The following C1GALT1 variants were observed in gnomAD, a reference collection of about 807,000 sequenced individuals.
C1GALT1 encodes glycoprotein-N-acetylgalactosamine 3-beta-galactosyltransferase 1.
Under a neutral mutation model 31.0 loss-of-function variants are expected in C1GALT1, and 11 were observed. The observed-to-expected ratio is 0.36, with a 90% confidence interval of 0.22 to 0.59. C1GALT1 has a LOEUF of 0.59. Ranked by LOEUF, C1GALT1 falls within the 20% of genes least tolerant of loss-of-function variation. The pLI, the probability that C1GALT1 is intolerant of heterozygous loss-of-function variation, is 0.79. For synonymous variants in C1GALT1, 175 were observed against 143.6 expected, an observed-to-expected ratio of 1.22 and a Z score of -1.56; for missense variants, 424 against 425.2, an observed-to-expected ratio of 1.00 and a Z score of 0.03.
upstream of C1GALT1, among the ~76,000 whole-genome samples, chr7:7,182,049 C>T (rs1780603876): frequency 6.6e-6 from 1 of 152,178 alleles, no homozygotes; most frequent in South Asian, 2.1e-4. Context: ...GTTCTCAGCT[C>T]TTCCTGGTTC....
At chr7:7,158,442 C>G (rs12536325) in intron 2 of C1GALT1, among the ~76,000 whole-genome samples, 101,188 of 151,956 alleles carry the variant, frequency 0.67, 34,698 homozygotes, top group East Asian at 0.93. Flanking sequence ...TTCACTAGCA[C>G]GTGGCCCGAG....
At chr7:7,223,007 C>T in intron 1 of C1GALT1, among the ~76,000 whole-genome samples, 1 of 152,096 alleles carries the variant, frequency 6.6e-6, no homozygotes, top group East Asian at 1.9e-4. Context: ...ATACTTCTTA[C>T]AAGCACATTC....
intron 1 of C1GALT1, among the ~76,000 whole-genome samples, chr7:7,230,442 A>G (rs1230494573): frequency 1.3e-5 from 2 of 151,980 alleles, no homozygotes; most frequent in Admixed American, 6.5e-5. Flanking sequence ...AATCTATTTA[A>G]TATGTGTCTC....
chr7:7,242,253 G>A (rs1212355640), intron 3 of C1GALT1, among the ~76,000 whole-genome samples: 1 of 145,042 alleles, frequency 6.9e-6, no homozygotes, highest in Non-Finnish European at 1.5e-5. Context: ...GCTACTATAT[G>A]GCTTACATAT....
At position 7,246,094 on chromosome 7, in the gene C1GALT1, T is replaced by G. The variant is rs750593557; in HGVS notation, c.*2367T>G. On this transcript the variant is annotated 3_prime_UTR_variant, in exon 4 of 4. Coordinates refer to ENST00000436587, the MANE Select transcript of C1GALT1 (RefSeq NM_020156.5). ...TTGACCAGATACTGAAGGAAATAAG[T>G]AATAGCTAGTATTTATCCAATGCCA... 1 of 152,228 alleles carries G rather than the reference T, an allele frequency of 6.6e-6. No individual in the cohort carries two copies. Among genetic ancestry groups the G allele is most frequent in the Non-Finnish European group, 1.5e-5 (1 of 68,036 alleles). The allele number at this position is 152,228 out of a possible 1,614,324, so 9.4% of individuals were successfully genotyped here. A position where few individuals can be genotyped will look rare whatever the true frequency, so the allele number is the denominator to read the frequency against.
rs544576014 is a variant in C1GALT1 at position 7,213,554 on chromosome 7, A to G, written c.-17-20749A>G. 5.3e-5 allele frequency among the ~76,000 whole-genome samples: 8 copies of G among 152,328 alleles called. No individual in the cohort carries two copies. The South Asian group carries it at 1.7e-3, about 32-fold the overall frequency. On this transcript the variant is annotated intron_variant, in intron 1 of 3. Transcript: ENST00000436587. The stretch of plus-strand genomic sequence containing the variant: ...CAGGGGCCCTCTGAGCCATCCAGAA[A>G]GCCAGGCATCAGGAAGGACAATTTC...
rs1044409327 is a variant in C1GALT1 at position 7,193,822 on chromosome 7, T to G, written c.-18+11002T>G. Among the ~76,000 whole-genome samples the G allele has an allele frequency of 8.5e-5, 13 of 152,218 alleles. No individual in the cohort carries two copies. In the East Asian group the frequency reaches 2.3e-3, roughly 27 times the overall value. ...CCCATCCATGAGCATGGAATGTGTTTCCATTTGTTTGTGTCATTTTCAATT... is the reference window on the plus strand; with the variant it reads ...CCCATCCATGAGCATGGAATGTGTTGCCATTTGTTTGTGTCATTTTCAATT... On this transcript the variant is annotated intron_variant, in intron 1 of 3. Transcript: ENST00000436587.
chr7:7,246,330 A>T lies in C1GALT1; in HGVS notation c.*2603A>T, dbSNP rs1288739512. The stretch of plus-strand genomic sequence containing the variant: ...AACCGTATCAGGCTTGGGGCTATTC[A>T]TGTAGCATTATTTCCATTTTTATGT... On this transcript the variant is annotated 3_prime_UTR_variant, in exon 4 of 4. Transcript: ENST00000436587. 6.6e-6 allele frequency: 1 copy of T among 152,148 alleles called. No individual in the cohort carries two copies. Among genetic ancestry groups the T allele is most frequent in the Non-Finnish European group, 1.5e-5 (1 of 68,030 alleles). 9.4% of individuals were successfully genotyped at this position (152,148 alleles called of 1,614,324 possible).
intron 1 of C1GALT1, chr7:7,183,543 T>C (rs908293078): frequency 6.1e-6 from 6 of 984,048 alleles, no homozygotes; most frequent in African/African-American, 1.8e-5. Flanking sequence ...CCCCAACAAA[T>C]TGTGATGGAA....
chr7:7,211,440 G>A (rs1285525730), intron 1 of C1GALT1, among the ~76,000 whole-genome samples: 1 of 152,200 alleles, frequency 6.6e-6, no homozygotes, highest in Non-Finnish European at 1.5e-5. Context: ...CTCAGTGATA[G>A]TAAAACTTTC....
chr7:7,232,088 C>T (rs550458664), intron 1 of C1GALT1, among the ~76,000 whole-genome samples: 36 of 152,204 alleles, frequency 2.4e-4, no homozygotes, highest in Non-Finnish European at 4.7e-4. Flanking sequence ...CTTTCAGAAT[C>T]AGTCATTGTC....
chr7:7,207,335 CTTTTTTTTTTTT>C (rs57510429), intron 1 of C1GALT1, among the ~76,000 whole-genome samples: 134 of 48,006 alleles, frequency 2.8e-3, no homozygotes, highest in African/African-American at 9.4e-3. Context: ...TACTCTGTTG[CTTTTTTTTTTTT>C]TTTTTTTTTT....
intron 1 of C1GALT1, among the ~76,000 whole-genome samples, chr7:7,192,208 T>C (rs1781104415): frequency 6.6e-6 from 1 of 151,996 alleles, no homozygotes; most frequent in South Asian, 2.1e-4. Flanking sequence ...ATATGTTTTT[T>C]GGTAATGATT....
intron 2 of C1GALT1, among the ~76,000 whole-genome samples, chr7:7,162,372 T>G (rs974452970): frequency 1.3e-5 from 2 of 149,996 alleles, no homozygotes; most frequent in Non-Finnish European, 3.0e-5. Flanking sequence ...GGTGTTTGGT[T>G]TTTTGTCCTT....
chr7:7,241,670 T>C (rs1490709143), intron 3 of C1GALT1, among the ~76,000 whole-genome samples: 1 of 151,996 alleles, frequency 6.6e-6, no homozygotes, highest in Non-Finnish European at 1.5e-5. Context: ...TTTACTGATA[T>C]ATATGAAAAC....
chr7:7,160,041 C>T (rs959742516), intron 2 of C1GALT1, among the ~76,000 whole-genome samples: 1 of 152,152 alleles, frequency 6.6e-6, no homozygotes. Context: ...GGCAGCAACA[C>T]TGTGAACGGC....
At chr7:7,201,648 G>A (rs965365832) in intron 1 of C1GALT1, among the ~76,000 whole-genome samples, 1 of 152,194 alleles carries the variant, frequency 6.6e-6, no homozygotes, top group Non-Finnish European at 1.5e-5. Flanking sequence ...CACAAAGCCC[G>A]AAAGGCCAGT....
At chr7:7,198,758 C>G (rs1351546267) in intron 1 of C1GALT1, among the ~76,000 whole-genome samples, 2 of 152,134 alleles carry the variant, frequency 1.3e-5, no homozygotes, top group Non-Finnish European at 2.9e-5. Context: ...CTGCTTTAGT[C>G]TTGGGAGGGT....
rs1780371206 is a variant in C1GALT1, at chr7:7,164,410, A to G, written c.-18+6984A>G. Reference sequence around the variant, plus strand: ...ATTCTATAACCTATTGATCTGAGATACCTAAAAAGGAGCTTGGATTTCAGG... The same window carrying G: ...ATTCTATAACCTATTGATCTGAGATGCCTAAAAAGGAGCTTGGATTTCAGG... On this transcript the variant is annotated intron_variant, in intron 2 of 3. Coordinates refer to the C1GALT1 transcript ENST00000429911. Among the ~76,000 whole-genome samples, 3 of 152,284 alleles carry G rather than the reference A, an allele frequency of 2.0e-5. No homozygotes were observed. In the South Asian group the frequency reaches 6.2e-4, roughly 32 times the overall value.
Sources: gnomAD v4.1 joint callset for allele counts (sites outside exome capture counted in the v4.1 genomes callset) on GRCh38, gnomAD v4.1.1 for gene constraint, MANE v1.5 for transcripts, NCBI Gene and HGNC (gene_info 2026-07-23, HGNC 2026-07-21) for gene names.